The following UBTD2 variants were observed in gnomAD, a reference collection of about 807,000 sequenced individuals.
UBTD2 encodes ubiquitin domain containing 2, also known as ubiquitin domain-containing protein 2.
Under a neutral mutation model 19.8 loss-of-function variants are expected in UBTD2, and 9 were observed. The ratio of observed to expected loss-of-function variants is 0.46; its 90% CI spans 0.27 to 0.79. The LOEUF (loss-of-function observed/expected upper bound fraction) is 0.79. Among genes scored for constraint, UBTD2 ranks in the 30% least tolerant of loss-of-function variants. The pLI is 0.14. For synonymous variants in UBTD2, 98 were observed against 103.9 expected (o/e 0.94, Z 0.35); for missense variants, 250 against 300.4 (o/e 0.83, Z 1.24).
chr5:172,219,069 A>C (rs769887071), intron 2 of UBTD2, among the ~76,000 whole-genome samples: 1 of 152,174 alleles, frequency 6.6e-6, no homozygotes, highest in Non-Finnish European at 1.5e-5. Context: ...GAAAGACACA[A>C]TCTGCCAAAA....
intron 1 of UBTD2, among the ~76,000 whole-genome samples, chr5:172,282,538 T>C (rs916832835): frequency 1.3e-5 from 2 of 152,196 alleles, no homozygotes. Flanking sequence ...GTTAGTATGC[T>C]ACGAAAAAGT....
chr5:172,217,659 T>C (rs1345840498), intron 2 of UBTD2, among the ~76,000 whole-genome samples: 2 of 151,962 alleles, frequency 1.3e-5, no homozygotes, highest in Non-Finnish European at 2.9e-5. Flanking sequence ...GTAATTTTTG[T>C]ATTTTTTGGT....
At chr5:172,247,505 T>TA (rs1375114237) in intron 1 of UBTD2, among the ~76,000 whole-genome samples, 1 of 151,916 alleles carries the variant, frequency 6.6e-6, no homozygotes, top group Non-Finnish European at 1.5e-5. Flanking sequence ...CTTTCTCAAA[T>TA]AAACAAACAA....
At chr5:172,246,066 T>C (rs1754873821) in intron 1 of UBTD2, among the ~76,000 whole-genome samples, 1 of 152,178 alleles carries the variant, frequency 6.6e-6, no homozygotes, top group African/African-American at 2.4e-5. Context: ...TCTGAGATGA[T>C]CCAGATGTTG....
At chr5:172,243,203 A>G (rs1457306664) in intron 1 of UBTD2, among the ~76,000 whole-genome samples, 1 of 151,732 alleles carries the variant, frequency 6.6e-6, no homozygotes, top group Non-Finnish European at 1.5e-5. Context: ...AAACCCTGTA[A>G]AGAATAAGAC....
chr5:172,280,675 GTTT>G (rs1169089805), intron 1 of UBTD2, among the ~76,000 whole-genome samples: 1 of 151,970 alleles, frequency 6.6e-6, no homozygotes, highest in Admixed American at 6.6e-5. Context: ...AAAAATAAAA[GTTT>G]TTTTATTTGA....
At chr5:172,254,512 C>T (rs1318122999) in intron 1 of UBTD2, 4 of 566,792 alleles carry the variant, frequency 7.1e-6, no homozygotes, top group East Asian at 3.7e-5. Flanking sequence ...TCAGACCGAG[C>T]AAACGTCCAT....
intron 2 of UBTD2, among the ~76,000 whole-genome samples, chr5:172,233,033 T>C (rs1346820951): frequency 6.6e-6 from 1 of 152,120 alleles, no homozygotes; most frequent in Non-Finnish European, 1.5e-5. Flanking sequence ...GAGAATCACT[T>C]GAACCTAGGA....
chr5:172,262,791 G>A (rs1248125032), intron 1 of UBTD2, among the ~76,000 whole-genome samples: 8 of 152,022 alleles, frequency 5.3e-5, no homozygotes, highest in African/African-American at 1.9e-4. Flanking sequence ...CTCCAGCCCA[G>A]GTGACAGAGC....
At chr5:172,274,768 C>T (rs1053972085) in intron 1 of UBTD2, among the ~76,000 whole-genome samples, 2 of 151,868 alleles carry the variant, frequency 1.3e-5, no homozygotes, top group African/African-American at 4.8e-5. Context: ...AGGCCAGGCG[C>T]GGTGGCTCAT....
At chr5:172,270,674 G>A (rs1041991046) in intron 1 of UBTD2, among the ~76,000 whole-genome samples, 3 of 152,100 alleles carry the variant, frequency 2.0e-5, no homozygotes, top group African/African-American at 7.2e-5. Context: ...GAGTTTTTCA[G>A]ATTTGAATAC....
At chr5:172,243,790 A>G (rs1772180609) in intron 1 of UBTD2, among the ~76,000 whole-genome samples, 1 of 151,742 alleles carries the variant, frequency 6.6e-6, no homozygotes, top group Non-Finnish European at 1.5e-5. Flanking sequence ...CTCGAACTCC[A>G]GACCTCAGGT....
At chr5:172,258,456 C>G (rs937215774) in intron 1 of UBTD2, among the ~76,000 whole-genome samples, 1 of 152,102 alleles carries the variant, frequency 6.6e-6, no homozygotes, top group Non-Finnish European at 1.5e-5. Flanking sequence ...ATTGTTTTGG[C>G]TTTTTGGCCT....
At chr5:172,239,983 T>A (rs1772094256) in intron 1 of UBTD2, among the ~76,000 whole-genome samples, 1 of 152,246 alleles carries the variant, frequency 6.6e-6, no homozygotes, top group South Asian at 2.1e-4. Context: ...CATGTCTTAC[T>A]GGGCTGCTTA....
chr5:172,239,818 C>T (rs997932248), intron 1 of UBTD2, among the ~76,000 whole-genome samples: 16 of 151,830 alleles, frequency 1.1e-4, no homozygotes, highest in African/African-American at 2.4e-4. Flanking sequence ...GCAGGAGAAT[C>T]GCTTGAACCT....
At chr5:172,252,068 T>C (rs1017985599) in intron 1 of UBTD2, among the ~76,000 whole-genome samples, 20 of 152,198 alleles carry the variant, frequency 1.3e-4, no homozygotes, top group African/African-American at 4.6e-4. Flanking sequence ...GAAGTAACTA[T>C]TTCTCAAAGA....
At chr5:172,248,754 C>A (rs1444442646) in intron 1 of UBTD2, among the ~76,000 whole-genome samples, 3 of 150,018 alleles carry the variant, frequency 2.0e-5, no homozygotes, top group African/African-American at 7.4e-5. Flanking sequence ...AGAGCAAGAT[C>A]CTGTCTCAAA....
At chr5:172,262,907 T>A (rs757669183) in intron 1 of UBTD2, among the ~76,000 whole-genome samples, 1 of 152,192 alleles carries the variant, frequency 6.6e-6, no homozygotes, top group African/African-American at 2.4e-5. Context: ...GTAACTTCAA[T>A]AAGATACCCT....
intron 1 of UBTD2, chr5:172,254,327 T>C: frequency 4.8e-6 from 1 of 207,568 alleles, no homozygotes. Flanking sequence ...CTCGAACTCC[T>C]GACCTCTGAT....
Sources: allele counts gnomAD v4.1 joint callset (sites outside exome capture counted in the v4.1 genomes callset), GRCh38; gene constraint gnomAD v4.1.1; transcripts MANE v1.5; gene names NCBI Gene and HGNC (gene_info 2026-07-23, HGNC 2026-07-21).